The following MGAM variants were observed in gnomAD, a reference collection of about 807,000 sequenced individuals.
The protein encoded by MGAM is alpha-1,4-glucosidase.
A neutral mutation model predicts 358.8 loss-of-function variants in MGAM; 253 were observed. The observed-to-expected ratio is 0.71, with a 90% CI of 0.64 to 0.78. MGAM has a LOEUF of 0.78. Ranked by LOEUF, MGAM falls within the 30% of genes least tolerant of loss-of-function variation. The pLI is 0.00. For missense variants in MGAM, 3,080 were observed against 3,432.6 expected, an observed-to-expected ratio of 0.90 and a Z score of 2.57; for synonymous variants, 1,105 against 1,227.1, an observed-to-expected ratio of 0.90 and a Z score of 2.08.
At chr7:142,098,768 A>C (rs184840528) in intron 66 of MGAM, among the ~76,000 whole-genome samples, 9 of 152,290 alleles carry the variant, frequency 5.9e-5, no homozygotes, top group Admixed American at 5.9e-4. Context: ...CCATTCACTA[A>C]CAGAAGATGT....
At chr7:142,005,427 T>C (rs1584901706) in intron 1 of MGAM, 102 bp from the exon 2 acceptor site, 2 of 788,748 alleles carry the variant, frequency 2.5e-6, no homozygotes, top group East Asian at 5.9e-5. Context: ...GGGAGGCTTG[T>C]TATAGTATTC....
At position 142,077,815 on chromosome 7, in the gene MGAM, C is replaced by A. The variant is rs531022047; in HGVS notation, c.5494-503C>A. 1.6e-4 allele frequency among the ~76,000 whole-genome samples: 24 copies of A among 145,606 alleles called. 2 individuals carry two copies. Among genetic ancestry groups the A allele is most frequent in the African/African-American group, 4.6e-4 (19 of 41,146 alleles). The stretch of plus-strand genomic sequence containing the variant: ...AAAATTAAAAAAAGAAATCATTTGT[C>A]CAATATACTACATAAATGCGAGCAT... On this transcript the variant is annotated intron_variant, in intron 47 of 70. Transcript: ENST00000475668.
At chr7:142,065,644 C>T in intron 39 of MGAM, 22 bp downstream of exon 39, 1 of 1,613,130 alleles carries the variant, frequency 6.2e-7, no homozygotes, top group Non-Finnish European at 8.5e-7. Flanking sequence ...TGGGATCCTC[C>T]TAAGCACCAA....
intron 24 of MGAM, 90 bp downstream of exon 24, chr7:142,050,954 G>A: frequency 1.3e-6 from 2 of 1,564,658 alleles, no homozygotes; most frequent in Non-Finnish European, 1.8e-6. Context: ...GGTCCCTGAA[G>A]GACCAGGGCA....
intron 66 of MGAM, among the ~76,000 whole-genome samples, chr7:142,098,579 G>T (rs1002493074): frequency 6.6e-6 from 1 of 152,150 alleles, no homozygotes; most frequent in African/African-American, 2.4e-5. Context: ...GTCCATTGGA[G>T]CCCAAGTCCT....
chr7:142,063,765 C>T (rs548439545), intron 36 of MGAM, among the ~76,000 whole-genome samples, 179 bp downstream of exon 36: 2 of 152,320 alleles, frequency 1.3e-5, no homozygotes, highest in East Asian at 3.9e-4. Flanking sequence ...GGGCAAGTGA[C>T]TAGACTCATT....
At chr7:142,087,084 TA>T (rs35280330) in intron 57 of MGAM, among the ~76,000 whole-genome samples, 52,519 of 130,628 alleles carry the variant, frequency 0.4, 13,547 homozygotes, top group Middle Eastern at 0.59. Context: ...CTGGTATACT[TA>T]ACTGTTGTTG....
At chr7:142,060,186 C>G in intron 33 of MGAM, 125 bp from the exon 34 acceptor site, 3 of 1,398,858 alleles carry the variant, frequency 2.1e-6, no homozygotes, top group Non-Finnish European at 3.0e-6. Flanking sequence ...TCTTTTATGT[C>G]AATCCTATGT....
intron 2 of MGAM, among the ~76,000 whole-genome samples, chr7:141,987,473 G>A (rs943154311): frequency 1.1e-4 from 16 of 152,292 alleles, no homozygotes; most frequent in Middle Eastern, 3.4e-3. Context: ...TTGGGAGGGC[G>A]AATCCATCTG....
rs782811856 is a variant in MGAM at position 142,027,692 on chromosome 7, T to C, written c.1178T>C (p.Met393Thr). 3.1e-6 allele frequency: 5 copies of C among 1,613,284 alleles called. No individual in the cohort carries two copies. Among genetic ancestry groups the C allele is most frequent in the Admixed American group, 1.7e-5 (1 of 59,970 alleles). The change falls in exon 10 of 71, where the codon ATG becomes ACG. Residue 393 changes from methionine to threonine, a missense_variant. This residue lies in a region of MGAM where 1,816 missense variants were observed against 1,840.5 expected (regional missense o/e 0.99). Coordinates refer to ENST00000475668, the MANE Select transcript of MGAM (RefSeq NM_001365693.1). ...SRYEYGTLDN[M>T]REVVERNRAA... ...TACGAATATGGAACCTTAGACAACA[T>C]GAGGGAAGTCGTGGAGAGAAATCGC... is the stretch of plus-strand genomic sequence containing the variant.
chr7:141,991,437 T>A (rs1218925742), upstream of MGAM, among the ~76,000 whole-genome samples: 2 of 139,274 alleles, frequency 1.4e-5, no homozygotes, highest in African/African-American at 2.7e-5. Flanking sequence ...GAGAAAAGGA[T>A]TTTTTTTTTT....
In MGAM at chr7:142,064,872, C is replaced by T. The variant is rs149677015; in HGVS notation, c.4484+350C>T. ...AACACAGAGGACTGGGCATCTCTCCCGTTCATTTCAAAGTGAATCATCTTT... is the reference window on the plus strand; with the variant it reads ...AACACAGAGGACTGGGCATCTCTCCTGTTCATTTCAAAGTGAATCATCTTT... On this transcript the variant is annotated intron_variant, in intron 37 of 70. Transcript: ENST00000475668. 4.4e-3 allele frequency among the ~76,000 whole-genome samples: 673 copies of T among 151,940 alleles called. 4 individuals carry two copies. The highest frequency in any genetic ancestry group is 0.015 in the African/African-American group (628 of 41,432).
At chr7:142,009,067 A>T (rs1285568338) in intron 3 of MGAM, among the ~76,000 whole-genome samples, 2 of 152,142 alleles carry the variant, frequency 1.3e-5, no homozygotes, top group African/African-American at 2.4e-5. Context: ...ACACTACATG[A>T]TTACTAGTTC....
chr7:141,993,275 GT>G (rs1804023970), upstream of MGAM, among the ~76,000 whole-genome samples: 1 of 152,178 alleles, frequency 6.6e-6, no homozygotes, highest in African/African-American at 2.4e-5. Flanking sequence ...TTTAAACTAT[GT>G]GTGGTAAAAC....
chr7:141,989,652 C>A (rs899860021), intron 2 of MGAM, among the ~76,000 whole-genome samples: 2 of 151,790 alleles, frequency 1.3e-5, no homozygotes, highest in East Asian at 1.9e-4. Flanking sequence ...AACTCCTGGG[C>A]TCAAGTGATC....
chr7:142,019,358 C>A, intron 4 of MGAM, 39 bp downstream of exon 4: 1 of 1,602,206 alleles, frequency 6.2e-7, no homozygotes, highest in South Asian at 1.1e-5. Context: ...GGTCCAGACC[C>A]TCTGGAGGTT....
rs750003268 is a variant in MGAM at position 142,092,525 on chromosome 7, T to G, written c.6950T>G (p.Met2317Arg). 1.2e-5 allele frequency: 19 copies of G among 1,546,642 alleles called. 2 individuals carry two copies. The highest frequency in any genetic ancestry group is 1.7e-5 in the Non-Finnish European group (19 of 1,127,708). Residue 2317 changes from methionine to arginine, a missense_variant, in exon 59 of 71, where the codon ATG becomes AGG. Around this residue, in one of 5 missense-constraint regions of MGAM, gnomAD observed 932 missense variants for 1,198.2 expected, o/e 0.78. Coordinates refer to ENST00000475668, the MANE Select transcript of MGAM (RefSeq NM_001365693.1). ...GTCTGTGTTTGGCATTTCTAGGATA[T>G]GAATGAACCATCAAGCTTCGTGAAT... Reference protein sequence around the residue: ...SLKFDGMWIDMNEPSSFVNGA... With the variant: ...SLKFDGMWIDRNEPSSFVNGA...
chr7:142,098,661 C>A (rs6464460), intron 66 of MGAM, among the ~76,000 whole-genome samples: 2,829 of 152,196 alleles, frequency 0.019, 66 homozygotes, highest in African/African-American at 0.064. Context: ...TGTTAAGGCT[C>A]TGCTATGTGT....
intron 6 of MGAM, 126 bp from the exon 7 acceptor site, chr7:142,022,142 A>G: frequency 1.1e-6 from 1 of 870,944 alleles, no homozygotes. Flanking sequence ...ATGTCACAGG[A>G]GGGCAAATGG....
Sources: gnomAD v4.1 joint callset for allele counts (sites outside exome capture counted in the v4.1 genomes callset) on GRCh38, gnomAD v4.1.1 for gene constraint, gnomAD v4.1.1 regional missense constraint, MANE v1.5 for transcripts, NCBI Gene and HGNC (gene_info 2026-07-23, HGNC 2026-07-21) for gene names.